The following SCN10A variants were observed in gnomAD, a reference collection of about 807,000 sequenced individuals.
SCN10A encodes sodium channel protein type 10 subunit alpha.
In SCN10A, 162 loss-of-function variants were observed where a neutral mutation model predicts 170.7. The observed-to-expected ratio is 0.95, with a 90% CI of 0.84 to 1.08. The LOEUF is 1.08. Among genes scored for constraint, SCN10A ranks in the 50% least tolerant of loss-of-function variants. SCN10A has a pLI of 0.00. For missense variants in SCN10A, 2,527 were observed against 2,436.9 expected (o/e 1.04, Z -0.78); for synonymous variants, 985 against 904.6 (o/e 1.09, Z -1.59).
chr3:38,757,878 CCTCT>C (rs1205540083), intron 8 of SCN10A, among the ~76,000 whole-genome samples: 1 of 152,128 alleles, frequency 6.6e-6, no homozygotes, highest in East Asian at 1.9e-4. Flanking sequence ...TGAACTCCTT[CCTCT>C]CTCTCATAAT....
intron 6 of SCN10A, among the ~76,000 whole-genome samples, chr3:38,762,942 T>A (rs2063891973): frequency 6.6e-6 from 1 of 152,172 alleles, no homozygotes; most frequent in Non-Finnish European, 1.5e-5. Context: ...TCATGGGGGC[T>A]GAAGAGTAGT....
Position 38,712,190 on chromosome 3 carries a change from C to T in SCN10A, c.4060G>A (p.Ala1354Thr). Reference protein sequence around the residue: ...VNVKVNFDNVAMGYLALLQVA... With the variant: ...VNVKVNFDNVTMGYLALLQVA... ...TGCAGAAGTGCAAGGTAACCCATTG[C>T]AACATTATCAAAGTTGACTTTCACA... is the stretch of plus-strand genomic sequence containing the variant. The change falls in exon 23 of 28, where the codon GCA becomes ACA. Residue 1354 changes from alanine to threonine, a missense_variant. Physicochemically the swap from Ala to Thr is moderately conservative, Grantham distance 58 (BLOSUM62 0). Coordinates refer to ENST00000449082, the MANE Select transcript of SCN10A (RefSeq NM_006514.4). 6.2e-7 allele frequency: 1 copy of T among 1,614,214 alleles called. No individual in the cohort carries two copies. The highest frequency in any genetic ancestry group is 8.5e-7 in the Non-Finnish European group (1 of 1,180,032).
intron 15 of SCN10A, among the ~76,000 whole-genome samples, chr3:38,736,788 T>C (rs2063565150): frequency 6.6e-6 from 1 of 151,548 alleles, no homozygotes; most frequent in South Asian, 2.1e-4. Context: ...GCATGTTAAA[T>C]CAGCGAGGTG....
intron 20 of SCN10A, among the ~76,000 whole-genome samples, chr3:38,721,337 A>G (rs146811771): frequency 2.6e-3 from 399 of 151,580 alleles, no homozygotes; most frequent in African/African-American, 3.7e-3. Flanking sequence ...GCCACCCTGA[A>G]CTCTCTATTC....
chr3:38,804,866 G>A (rs2064395741), intron 1 of SCN10A, among the ~76,000 whole-genome samples: 1 of 152,132 alleles, frequency 6.6e-6, no homozygotes, highest in South Asian at 2.1e-4. Context: ...TTACAAAGAT[G>A]CGGTAGCCAA....
chr3:38,772,733 A>C (rs796076372), intron 4 of SCN10A, among the ~76,000 whole-genome samples: 1,971 of 80,332 alleles, frequency 0.025, 43 homozygotes, highest in African/African-American at 0.069. Context: ...ACAAAAACAA[A>C]AACAAAAAAA....
chr3:38,725,012 A>G (rs2063437227), intron 18 of SCN10A, among the ~76,000 whole-genome samples, 162 bp downstream of exon 18: 3 of 152,134 alleles, frequency 2.0e-5, no homozygotes, highest in Admixed American at 2.0e-4. Context: ...GATTAGCCGG[A>G]GGTTGGGAGG....
rs1416423873 is a variant in SCN10A at position 38,728,859 on chromosome 3, T to C, written c.2323A>G (p.Thr775Ala). 5.0e-6 allele frequency: 8 copies of C among 1,613,534 alleles called. No individual in the cohort carries two copies. In the Admixed American group the frequency reaches 6.7e-5, roughly 13 times the overall value. ...GAGTTTCCGATGATCTTGATGAGTG[T>C]GTTTAAGGTGGGCCAGGATTTGGCC... is the stretch of plus-strand genomic sequence containing the variant. ...KLAKSWPTLNTLIKIIGNSVG... is the reference protein window; with the variant it reads ...KLAKSWPTLNALIKIIGNSVG... Residue 775 changes from threonine to alanine, a missense_variant, in exon 16 of 28, where the codon ACA (threonine) becomes GCA (alanine). Coordinates refer to ENST00000449082, the MANE Select transcript of SCN10A (RefSeq NM_006514.4).
chr3:38,748,897 T>A (rs2063720087), intron 13 of SCN10A, among the ~76,000 whole-genome samples: 1 of 152,240 alleles, frequency 6.6e-6, no homozygotes, highest in Non-Finnish European at 1.5e-5. Context: ...GATACCTGAC[T>A]ATTCCTTATT....
At chr3:38,707,144 T>A (rs2063218838) in intron 26 of SCN10A, 135 bp downstream of exon 26, 2 of 841,704 alleles carry the variant, frequency 2.4e-6, no homozygotes, top group Admixed American at 2.9e-5. Flanking sequence ...GGAACCCTCA[T>A]CACCCTCATC....
rs768207163 is a variant in SCN10A, at chr3:38,714,082, T to A, written c.3682-2A>T. 4 of 1,614,158 alleles carry A rather than the reference T, an allele frequency of 2.5e-6. No homozygotes were observed. In the Admixed American group the frequency reaches 5.0e-5, roughly 20 times the overall value. On this transcript the variant is annotated splice_acceptor_variant, in intron 21 of 27. Coordinates refer to ENST00000449082, the MANE Select transcript of SCN10A (RefSeq NM_006514.4). LOFTEE classifies it high-confidence loss of function. ...CGCTGTGAGACTTATCAGTGAGATC[T>A]GAGTGCAGGAGAGGGCAGAAACATC...
At chr3:38,721,380 A>G (rs552783622) in intron 20 of SCN10A, among the ~76,000 whole-genome samples, 89 of 152,324 alleles carry the variant, frequency 5.8e-4, no homozygotes, top group African/African-American at 2.0e-3. Context: ...GAAGCCCCTC[A>G]TGCCTTTGGG....
intron 3 of SCN10A, 121 bp from the exon 4 acceptor site, chr3:38,789,157 G>T (rs2064247799): frequency 1.5e-6 from 1 of 678,654 alleles, no homozygotes; most frequent in South Asian, 1.7e-5. Context: ...TTATGATCTT[G>T]TCACATAATA....
At chr3:38,708,012 C>T (rs746186643) in intron 25 of SCN10A, among the ~76,000 whole-genome samples, 15 of 152,114 alleles carry the variant, frequency 9.9e-5, no homozygotes, top group Admixed American at 3.3e-4. Flanking sequence ...TCTTTAGGGG[C>T]CCTTTGGATT....
rs753204125 is a variant in SCN10A, at chr3:38,697,504, G to T, written c.5716C>A (p.Pro1906Thr). 2 of 1,614,152 alleles carry T rather than the reference G, an allele frequency of 1.2e-6. No individual in the cohort carries two copies. The highest frequency in any genetic ancestry group is 2.2e-5 in the South Asian group (2 of 91,070). The part of the protein sequence containing the change: ...AFTANENCVL[P>T]DKSETASATS... Reference sequence around the variant, plus strand: ...GCAGAAGCAGTTTCAGATTTGTCTGGGAGTACACAATTTTCATTTGCTGTG... The same window carrying T: ...GCAGAAGCAGTTTCAGATTTGTCTGTGAGTACACAATTTTCATTTGCTGTG... The change falls in exon 28 of 28, where the codon CCA becomes ACA. Residue 1906 changes from proline to threonine, a missense_variant. Coordinates refer to ENST00000449082, the MANE Select transcript of SCN10A (RefSeq NM_006514.4).
intron 13 of SCN10A, among the ~76,000 whole-genome samples, chr3:38,747,111 T>C (rs1360378087): frequency 6.6e-6 from 1 of 152,208 alleles, no homozygotes; most frequent in Non-Finnish European, 1.5e-5. Context: ...CTTTGACCTC[T>C]TTTATTTAAC....
At chr3:38,752,830 A>G (rs1293996076) in intron 11 of SCN10A, among the ~76,000 whole-genome samples, 11 of 152,182 alleles carry the variant, frequency 7.2e-5, no homozygotes. Flanking sequence ...TTGATTGCCA[A>G]CCTTTGGCCA....
chr3:38,726,000 T>G (rs2063450403), intron 17 of SCN10A, among the ~76,000 whole-genome samples: 1 of 152,240 alleles, frequency 6.6e-6, no homozygotes, highest in Non-Finnish European at 1.5e-5. Flanking sequence ...CAGGGTTCCC[T>G]GCCTTCCCAC....
intron 13 of SCN10A, among the ~76,000 whole-genome samples, chr3:38,748,678 A>C (rs2126020387): frequency 6.6e-6 from 1 of 152,118 alleles, no homozygotes; most frequent in East Asian, 1.9e-4. Context: ...CATAGCCTTC[A>C]CTGGGGGCTA....
Sources: gnomAD v4.1 joint callset for allele counts (sites outside exome capture counted in the v4.1 genomes callset) on GRCh38, gnomAD v4.1.1 for gene constraint, MANE v1.5 for transcripts, NCBI Gene and HGNC (gene_info 2026-07-23, HGNC 2026-07-21) for gene names.